The following ABCD2 variants were observed in gnomAD, a reference collection of about 807,000 sequenced individuals.
ABCD2 encodes the protein ATP binding cassette subfamily D member 2, also known as ATP-binding cassette sub-family D member 2.
ABCD2 carries 36 observed loss-of-function variants against 70.9 expected under a neutral mutation model. That is an observed-to-expected ratio of 0.51 (90% CI 0.39 to 0.67). The LOEUF (loss-of-function observed/expected upper bound fraction) is 0.67, where lower values mean the gene tolerates loss of function less well. Ranked by LOEUF, ABCD2 falls within the 30% of genes least tolerant of loss-of-function variation. The probability of loss-of-function intolerance (pLI) is 0.00; values close to 1 mark genes in which losing one functional copy is unlikely to be tolerated. For synonymous variants in ABCD2, 304 were observed against 306.9 expected (o/e 0.99, Z 0.10); for missense variants, 729 against 890.2 (o/e 0.82, Z 2.30).
intron 6 of ABCD2, among the ~76,000 whole-genome samples, chr12:39,586,548 T>C (rs1160051991): frequency 6.6e-6 from 1 of 152,184 alleles, no homozygotes; most frequent in African/African-American, 2.4e-5. Flanking sequence ...TTTCTTTTTC[T>C]AAAAAATTCT....
chr12:39,536,009 T>G, the ABCD2 span, among the ~76,000 whole-genome samples: 1 of 152,090 alleles, frequency 6.6e-6, no homozygotes, highest in African/African-American at 2.4e-5. Context: ...GGAAATCACT[T>G]GAACCTGGCA....
intron 9 of ABCD2, among the ~76,000 whole-genome samples, chr12:39,566,959 C>T (rs1941359558): frequency 6.6e-6 from 1 of 152,156 alleles, no homozygotes; most frequent in South Asian, 2.1e-4. Context: ...GTTTCTTAAT[C>T]CTGAGTTCTA....
chr12:39,536,561 C>G, the ABCD2 span, among the ~76,000 whole-genome samples: 30 of 152,284 alleles, frequency 2.0e-4, no homozygotes, highest in Non-Finnish European at 3.7e-4. Context: ...GAACCAATGA[C>G]TATACTGTGG....
In ABCD2 at chr12:39,604,998, A is replaced by G. The variant is rs1941950884; in HGVS notation, c.1237-68T>C. The stretch of plus-strand genomic sequence containing the variant: ...AGACAATATTTTAAATAAATATGTA[A>G]TCAGATAAGCTTCTTGACTTAATGT... On this transcript the variant is annotated intron_variant, in intron 3 of 9. Transcript: ENST00000308666. 3.2e-6 allele frequency: 4 copies of G among 1,264,450 alleles called. No individual in the cohort carries two copies. The South Asian group carries it at 7.3e-5, about 23-fold the overall frequency. 78.3% of individuals were successfully genotyped at this position (1,264,450 alleles called of 1,614,324 possible). A position where few individuals can be genotyped will look rare whatever the true frequency, so the allele number is the denominator to read the frequency against.
At chr12:39,596,985 G>A (rs1031139617) in intron 6 of ABCD2, among the ~76,000 whole-genome samples, 3 of 151,952 alleles carry the variant, frequency 2.0e-5, no homozygotes, top group Non-Finnish European at 4.4e-5. Context: ...TTGTTTGTAT[G>A]ATTTTTTATG....
intron 9 of ABCD2, among the ~76,000 whole-genome samples, chr12:39,566,524 T>A (rs953978399): frequency 6.6e-6 from 1 of 152,232 alleles, no homozygotes; most frequent in African/African-American, 2.4e-5. Context: ...CTCTCTTTTC[T>A]TCTCTATTAG....
the ABCD2 span, among the ~76,000 whole-genome samples, chr12:39,535,974 T>C: frequency 6.6e-6 from 1 of 152,210 alleles, no homozygotes; most frequent in Non-Finnish European, 1.5e-5. Context: ...GAAAACTGTC[T>C]CTACTAAAAA....
At chr12:39,593,571 A>G (rs911529776) in intron 6 of ABCD2, among the ~76,000 whole-genome samples, 1 of 152,140 alleles carries the variant, frequency 6.6e-6, no homozygotes, top group African/African-American at 2.4e-5. Flanking sequence ...ATATTTTAAA[A>G]TATCCATAAA....
intron 1 of ABCD2, among the ~76,000 whole-genome samples, chr12:39,617,662 A>T (rs1942134739): frequency 2.0e-5 from 3 of 152,200 alleles, no homozygotes; most frequent in African/African-American, 7.2e-5. Context: ...AATACAATAT[A>T]TGAGGTCAAT....
the ABCD2 span, among the ~76,000 whole-genome samples, chr12:39,541,591 A>C: frequency 2.6e-5 from 4 of 152,216 alleles, no homozygotes; most frequent in South Asian, 8.3e-4. Flanking sequence ...AATTGAGAGA[A>C]CAATCACAGG....
chr12:39,616,953 A>C (rs763222063), intron 2 of ABCD2, 35 bp downstream of exon 2: 16 of 1,537,966 alleles, frequency 1.0e-5, no homozygotes, highest in Non-Finnish European at 1.1e-5. Context: ...AATAATGTTA[A>C]AAATATATTT....
rs1941177060 is a variant in ABCD2 at position 39,556,995 on chromosome 12, A to AG, written c.2004-2865_2004-2864insC. 2.6e-5 allele frequency among the ~76,000 whole-genome samples: 4 copies of AG among 152,058 alleles called. No individual in the cohort carries two copies. In the East Asian group the frequency reaches 7.7e-4, roughly 29 times the overall value. Reference sequence around the variant, plus strand: ...GAGACTCTGTCTCAAAAAAAAAAAAAAAGATTCCCAAAAATGTGGAAGTGA... The same window carrying AG: ...GAGACTCTGTCTCAAAAAAAAAAAAAGAAGATTCCCAAAAATGTGGAAGTGA... On this transcript the variant is annotated intron_variant, in intron 9 of 9. Coordinates refer to ENST00000308666, the MANE Select transcript of ABCD2 (RefSeq NM_005164.4).
chr12:39,600,135 T>C (rs1366594105), intron 6 of ABCD2, among the ~76,000 whole-genome samples: 1 of 152,200 alleles, frequency 6.6e-6, no homozygotes, highest in African/African-American at 2.4e-5. Context: ...ATAGCATAAT[T>C]GTAAAGTCTA....
chr12:39,591,037 A>C (rs1419494662), intron 6 of ABCD2, among the ~76,000 whole-genome samples: 1 of 152,200 alleles, frequency 6.6e-6, no homozygotes, highest in Admixed American at 6.5e-5. Context: ...AATATTGATA[A>C]AAATTTTGCA....
chr12:39,608,524 C>T (rs376411408), intron 2 of ABCD2, among the ~76,000 whole-genome samples: 4 of 150,770 alleles, frequency 2.7e-5, no homozygotes, highest in East Asian at 3.9e-4. Flanking sequence ...CCATCTCTAC[C>T]AAAAAAAACG....
intron 6 of ABCD2, among the ~76,000 whole-genome samples, chr12:39,597,413 A>C (rs1404849608): frequency 6.6e-6 from 1 of 152,196 alleles, no homozygotes; most frequent in African/African-American, 2.4e-5. Flanking sequence ...GGGGATTAGG[A>C]AGTAACAAAT....
intron 9 of ABCD2, among the ~76,000 whole-genome samples, chr12:39,568,018 T>G (rs1416904587): frequency 6.6e-6 from 1 of 151,874 alleles, no homozygotes; most frequent in Non-Finnish European, 1.5e-5. Context: ...TGGGCTTCCC[T>G]TTGTGGGTAA....
chr12:39,604,904 AGCAGTGTAGCCT>A lies in ABCD2; in HGVS notation c.1251_1262del (p.Gly418_Ala421del), dbSNP rs746485506. 1 of 1,609,840 alleles carries A rather than the reference AGCAGTGTAGCCT, an allele frequency of 6.2e-7. No individual in the cohort carries two copies. The highest frequency in any genetic ancestry group is 8.5e-7 in the Non-Finnish European group (1 of 1,178,350). The stretch of plus-strand genomic sequence containing the variant: ...AGACCCAAAACATATTGTACACTCG[AGCAGTGTAGCCT>A]GCTAATTCAGTGACCTAAAAGCAAC... On this transcript the variant is annotated inframe_deletion, in exon 4 of 10. Coordinates refer to ENST00000308666, the MANE Select transcript of ABCD2 (RefSeq NM_005164.4).
intron 7 of ABCD2, among the ~76,000 whole-genome samples, chr12:39,582,465 T>C (rs1199437782): frequency 7.2e-5 from 11 of 152,232 alleles, no homozygotes; most frequent in Non-Finnish European, 1.5e-4. Context: ...ATTTTTAAGT[T>C]TGGAAAATTC....
Sources: gnomAD v4.1 joint callset for allele counts (sites outside exome capture counted in the v4.1 genomes callset) on GRCh38, gnomAD v4.1.1 for gene constraint, MANE v1.5 for transcripts, NCBI Gene and HGNC (gene_info 2026-07-23, HGNC 2026-07-21) for gene names.